The following XKR9 variants were observed in gnomAD, a reference collection of about 807,000 sequenced individuals.
XKR9 encodes XK-related protein 9.
In XKR9, 32 loss-of-function variants were observed where a neutral mutation model predicts 32.0. The ratio of observed to expected loss-of-function variants is 1.00; its 90% CI spans 0.76 to 1.34. The LOEUF (loss-of-function observed/expected upper bound fraction) is 1.34, where lower values mean the gene tolerates loss of function less well. Ranked by LOEUF, XKR9 falls within the 40% of genes most tolerant of loss-of-function variation. The probability of loss-of-function intolerance (pLI) is 0.00; values close to 1 mark genes in which losing one functional copy is unlikely to be tolerated. For missense variants in XKR9, 546 were observed against 429.7 expected, an observed-to-expected ratio of 1.27 and a Z score of -2.39; for synonymous variants, 168 against 143.4, an observed-to-expected ratio of 1.17 and a Z score of -1.22.
intron 3 of XKR9, among the ~76,000 whole-genome samples, chr8:70,691,835 G>A (rs568425391): frequency 6.6e-6 from 1 of 152,238 alleles, no homozygotes; most frequent in African/African-American, 2.4e-5. Flanking sequence ...ATAGTTTGGA[G>A]TCGAATAACA....
the XKR9 span, among the ~76,000 whole-genome samples, chr8:70,819,159 T>C: frequency 5.7e-3 from 861 of 152,298 alleles, 8 homozygotes; most frequent in African/African-American, 0.019. Flanking sequence ...GCTGTTTGTT[T>C]AGCACTGCAT....
At chr8:70,864,894 C>G in the XKR9 span, among the ~76,000 whole-genome samples, 1 of 152,216 alleles carries the variant, frequency 6.6e-6, no homozygotes, top group South Asian at 2.1e-4. Flanking sequence ...CATGTTTTAT[C>G]AAAAACCTTT....
the XKR9 span, among the ~76,000 whole-genome samples, chr8:70,888,304 T>G: frequency 6.6e-6 from 1 of 152,048 alleles, no homozygotes; most frequent in Admixed American, 6.6e-5. Context: ...TTGCTTTTTT[T>G]TTTAGTTGGC....
chr8:71,031,372 T>C, the XKR9 span, among the ~76,000 whole-genome samples: 1 of 152,216 alleles, frequency 6.6e-6, no homozygotes, highest in East Asian at 1.9e-4. Context: ...ATGGACTTTA[T>C]TAATATGAAG....
At chr8:70,948,174 A>AC in the XKR9 span, among the ~76,000 whole-genome samples, 1 of 151,966 alleles carries the variant, frequency 6.6e-6, no homozygotes, top group Non-Finnish European at 1.5e-5. Context: ...TTTATGACCT[A>AC]AGCAGCAAAA....
the XKR9 span, among the ~76,000 whole-genome samples, chr8:70,925,576 CA>C: frequency 1.5e-3 from 224 of 152,098 alleles, no homozygotes; most frequent in African/African-American, 5.0e-3. Flanking sequence ...TTAAACACTA[CA>C]AAAAAATATG....
chr8:70,993,197 C>A, the XKR9 span, among the ~76,000 whole-genome samples: 1 of 143,934 alleles, frequency 6.9e-6, no homozygotes, highest in Non-Finnish European at 1.5e-5. Flanking sequence ...GATTGTCCTT[C>A]TCCTACCCTA....
chr8:71,007,266 T>G, the XKR9 span, among the ~76,000 whole-genome samples: 2 of 152,202 alleles, frequency 1.3e-5, no homozygotes, highest in Non-Finnish European at 2.9e-5. Flanking sequence ...ATAGTTTTTC[T>G]TTCTTGCTTT....
chr8:70,719,430 G>A (rs1167564076), intron 4 of XKR9, among the ~76,000 whole-genome samples: 1 of 151,972 alleles, frequency 6.6e-6, no homozygotes, highest in African/African-American at 2.4e-5. Flanking sequence ...GGGTTTTTAT[G>A]GTTTTAGGTT....
the XKR9 span, among the ~76,000 whole-genome samples, chr8:70,996,645 A>T: frequency 6.6e-6 from 1 of 152,232 alleles, no homozygotes; most frequent in East Asian, 1.9e-4. Context: ...CCATCATAAC[A>T]TTGCAGAGTT....
At chr8:70,753,143 A>G (rs1228185327) in intron 2 of XKR9, among the ~76,000 whole-genome samples, 2 of 152,194 alleles carry the variant, frequency 1.3e-5, no homozygotes, top group Admixed American at 1.3e-4. Context: ...ACACCTCTAC[A>G]CAAATAAACT....
the XKR9 span, among the ~76,000 whole-genome samples, chr8:70,958,452 A>C: frequency 1.3e-5 from 2 of 152,208 alleles, no homozygotes; most frequent in African/African-American, 4.8e-5. Flanking sequence ...TCTAATGATC[A>C]GTGATGTTGA....
the XKR9 span, among the ~76,000 whole-genome samples, chr8:70,937,258 A>C: frequency 6.6e-6 from 1 of 152,050 alleles, no homozygotes; most frequent in Non-Finnish European, 1.5e-5. Context: ...AAAGTTTAAG[A>C]TATGTTTTTA....
chr8:70,770,217 G>A (rs1036635303), intron 2 of XKR9, among the ~76,000 whole-genome samples: 1 of 152,198 alleles, frequency 6.6e-6, no homozygotes, highest in African/African-American at 2.4e-5. Flanking sequence ...CAGATCAGCT[G>A]GAGTTTGCTG....
At chr8:70,879,932 C>T in the XKR9 span, among the ~76,000 whole-genome samples, 6 of 152,206 alleles carry the variant, frequency 3.9e-5, no homozygotes, top group Admixed American at 6.5e-5. Flanking sequence ...CCACCACGAT[C>T]GAATCGGCTT....
the XKR9 span, among the ~76,000 whole-genome samples, chr8:70,980,916 C>G: frequency 6.6e-6 from 1 of 152,134 alleles, no homozygotes; most frequent in African/African-American, 2.4e-5. Context: ...TCACTGGATA[C>G]AAAATTCTTG....
chr8:70,790,861 C>T (rs185151088), downstream of XKR9, among the ~76,000 whole-genome samples: 7 of 152,094 alleles, frequency 4.6e-5, no homozygotes, highest in Admixed American at 2.6e-4. Flanking sequence ...GATCAAGGTG[C>T]TGGCAGATTT....
the XKR9 span, among the ~76,000 whole-genome samples, chr8:71,021,005 C>T: frequency 3.3e-5 from 5 of 152,150 alleles, no homozygotes; most frequent in African/African-American, 1.2e-4. Flanking sequence ...CTGGCATCTG[C>T]TTGACTTCTG....
intron 2 of XKR9, among the ~76,000 whole-genome samples, chr8:70,751,513 G>A (rs79589734): frequency 2.3e-3 from 346 of 152,248 alleles, no homozygotes; most frequent in African/African-American, 7.6e-3. Context: ...TGGTTGTGAG[G>A]CTACTTCTTG....
Sources: gnomAD v4.1 joint callset for allele counts (sites outside exome capture counted in the v4.1 genomes callset) on GRCh38, gnomAD v4.1.1 for gene constraint, MANE v1.5 for transcripts, NCBI Gene and HGNC (gene_info 2026-07-23, HGNC 2026-07-21) for gene names.